The following COMT variants were observed in gnomAD, a reference collection of about 807,000 sequenced individuals.
The protein encoded by COMT is catechol O-methyltransferase.
In COMT, 13 loss-of-function variants were observed where a neutral mutation model predicts 18.9. The observed-to-expected ratio is 0.69, with a 90% CI of 0.45 to 1.09. The LOEUF is 1.09. Among genes scored for constraint, COMT ranks in the 50% least tolerant of loss-of-function variants. The pLI is 0.00. For synonymous variants in COMT, 150 were observed against 160.9 expected (o/e 0.93, Z 0.51); for missense variants, 329 against 361.8 (o/e 0.91, Z 0.73).
At chr22:19,942,170 A>G (rs1941745757) in intron 1 of COMT, among the ~76,000 whole-genome samples, 1 of 152,204 alleles carries the variant, frequency 6.6e-6, no homozygotes. Context: ...GGGGCTCCAG[A>G]TAGCGGTGAG....
chr22:19,955,067 C>T (rs1942029618), intron 1 of COMT, among the ~76,000 whole-genome samples: 1 of 152,176 alleles, frequency 6.6e-6, no homozygotes, highest in Admixed American at 6.5e-5. Context: ...CGACATGGTG[C>T]AATCATGGCT....
chr22:19,950,356 A>G (rs1275768951), intron 1 of COMT, among the ~76,000 whole-genome samples: 1 of 147,530 alleles, frequency 6.8e-6, no homozygotes, highest in Non-Finnish European at 1.5e-5. Flanking sequence ...AAGTGCTGGG[A>G]TTACAGGTGT....
In COMT at chr22:19,954,577, C is replaced by G. The variant is rs557591012; in HGVS notation, c.-91-6622C>G. Among the ~76,000 whole-genome samples the G allele has an allele frequency of 2.6e-5, 4 of 152,288 alleles. No individual in the cohort carries two copies. The South Asian group carries it at 8.3e-4, about 32-fold the overall frequency. ...TAGCGATTCTCCTGCCTCAGCCTCC[C>G]AAGTAGCTGGGATTACAGGCATGCA... On this transcript the variant is annotated intron_variant, in intron 1 of 5. Transcript: ENST00000361682.
At chr22:19,954,952 G>A (rs1942027411) in intron 1 of COMT, among the ~76,000 whole-genome samples, 1 of 152,106 alleles carries the variant, frequency 6.6e-6, no homozygotes, top group Non-Finnish European at 1.5e-5. Flanking sequence ...GGCAGGAGGG[G>A]GACACTCCCA....
chr22:19,964,695 A>G (rs1027971136), intron 5 of COMT: 1 of 551,708 alleles, frequency 1.8e-6, no homozygotes, highest in East Asian at 3.1e-5. Context: ...TCGTGCAAAG[A>G]AAGCATGTGT....
chr22:19,942,012 T>A, intron 1 of COMT, 115 bp downstream of exon 1: 3 of 438,566 alleles, frequency 6.8e-6, no homozygotes, highest in Non-Finnish European at 3.9e-6. Context: ...TGTGAAGTGA[T>A]CTGACGTTGG....
At chr22:19,946,910 G>GTTTTTT (rs35689277) in intron 1 of COMT, among the ~76,000 whole-genome samples, 2 of 117,118 alleles carry the variant, frequency 1.7e-5, no homozygotes, top group African/African-American at 3.4e-5. Flanking sequence ...TTTTTTTTTA[G>GTTTTTT]TTTTTTTTTT....
chr22:19,952,155 A>C (rs1941952315), intron 1 of COMT, among the ~76,000 whole-genome samples: 1 of 152,174 alleles, frequency 6.6e-6, no homozygotes, highest in East Asian at 1.9e-4. Context: ...TTTTTAAAAA[A>C]TTAGCCAGGC....
intron 3 of COMT, among the ~76,000 whole-genome samples, chr22:19,963,069 C>T (rs1942238064): frequency 6.6e-6 from 1 of 152,136 alleles, no homozygotes; most frequent in Admixed American, 6.5e-5. Flanking sequence ...GTGCAGTTCC[C>T]CTTGAACTCT....
At chr22:19,964,514 G>A in intron 5 of COMT, 2 of 733,102 alleles carry the variant, frequency 2.7e-6, no homozygotes, top group Non-Finnish European at 4.6e-6. Context: ...CTGGCTGGGT[G>A]GCCTGTTGGG....
chr22:19,948,764 G>A (rs946087734), intron 1 of COMT, among the ~76,000 whole-genome samples: 2 of 152,030 alleles, frequency 1.3e-5, no homozygotes, highest in Admixed American at 6.5e-5. Flanking sequence ...AGACCAGGCT[G>A]GCCAACATGG....
chr22:19,963,675 G>C lies in COMT; in HGVS notation c.399G>C (p.Gly133=). Residue 133 remains glycine (G), a synonymous_variant, in exon 4 of 6, where the codon GGG becomes GGC. Coordinates refer to ENST00000361682, the MANE Select transcript of COMT (RefSeq NM_000754.4). The part of the protein sequence containing the change: ...AVRMARLLSP[G]ARLITIEINP... ...GCATGGCCCGCCTGCTGTCACCAGG[G>C]GCGAGGCTCATCACCATCGAGATCA... 1.2e-6 allele frequency: 2 copies of C among 1,613,002 alleles called. No homozygotes were observed. Among genetic ancestry groups the C allele is most frequent in the Non-Finnish European group, 1.7e-6 (2 of 1,179,996 alleles).
intron 1 of COMT, among the ~76,000 whole-genome samples, chr22:19,955,058 G>A (rs757140777): frequency 1.3e-5 from 2 of 152,132 alleles, no homozygotes; most frequent in Non-Finnish European, 2.9e-5. Context: ...CAGGATGGAC[G>A]ACATGGTGCA....
rs142527579 is a variant in COMT, at chr22:19,957,472, A to G, written c.-91-3727A>G. On this transcript the variant is annotated intron_variant, in intron 1 of 5. Transcript: ENST00000361682. ...TCATCTAGGGTGTGTCCAATGTGAG[A>G]GAGAATACTGACCAGGTGACAGAGG... Among the ~76,000 whole-genome samples, 287 of 152,338 alleles carry G rather than the reference A, an allele frequency of 1.9e-3. 3 individuals are homozygous for G. The highest frequency in any genetic ancestry group is 0.016 in the East Asian group (84 of 5,184).
intron 4 of COMT, 186 bp downstream of exon 4, chr22:19,963,945 C>A: frequency 8.6e-7 from 1 of 1,160,084 alleles, no homozygotes; most frequent in Non-Finnish European, 1.2e-6. Flanking sequence ...CAGTGAGGGT[C>A]TCACAGCTCT....
At chr22:19,947,486 G>A (rs548612578) in intron 1 of COMT, among the ~76,000 whole-genome samples, 1 of 152,316 alleles carries the variant, frequency 6.6e-6, no homozygotes, top group South Asian at 2.1e-4. Flanking sequence ...TATCTCCAGT[G>A]ACAGGTAAGG....
At chr22:19,959,108 T>TGGC (rs1384234979) in intron 1 of COMT, among the ~76,000 whole-genome samples, 1 of 152,136 alleles carries the variant, frequency 6.6e-6, no homozygotes, top group African/African-American at 2.4e-5. Context: ...GACACTGAGC[T>TGGC]GGCGTGCCCA....
intron 1 of COMT, among the ~76,000 whole-genome samples, chr22:19,950,185 T>C (rs1291223387): frequency 6.6e-6 from 1 of 150,684 alleles, no homozygotes; most frequent in Non-Finnish European, 1.5e-5. Context: ...ATATAAGAGC[T>C]AGTTCTCACT....
chr22:19,967,574 A>C, intron 5 of COMT: 1 of 366,094 alleles, frequency 2.7e-6, no homozygotes, highest in Non-Finnish European at 5.4e-6. Context: ...GCCACCCACC[A>C]CCAGGACAGC....
Sources: allele counts gnomAD v4.1 joint callset (sites outside exome capture counted in the v4.1 genomes callset), GRCh38; gene constraint gnomAD v4.1.1; transcripts MANE v1.5; gene names NCBI Gene and HGNC (gene_info 2026-07-23, HGNC 2026-07-21).